Variants in PTPRT observed in about 807,000 individuals in gnomAD.
PTPRT encodes the protein protein tyrosine phosphatase receptor type T, also known as receptor-type tyrosine-protein phosphatase T.
PTPRT carries 56 observed loss-of-function variants against 176.8 expected under a neutral mutation model. The observed-to-expected ratio is 0.32, with a 90% CI of 0.26 to 0.40. PTPRT has a LOEUF of 0.40. PTPRT is among the 10% of genes least tolerant of loss of function. PTPRT has a pLI of 1.00. For synonymous variants in PTPRT, 783 were observed against 739.0 expected (o/e 1.06, Z -0.96); for missense variants, 1,540 against 1,908.2 (o/e 0.81, Z 3.60).
chr20:42,128,818 C>T lies in PTPRT; in HGVS notation c.2783G>A (p.Arg928Gln), dbSNP rs1987985137. 4 of 1,605,406 alleles carry T rather than the reference C, an allele frequency of 2.5e-6. No individual in the cohort carries two copies. Among genetic ancestry groups the T allele is most frequent in the South Asian group, 1.1e-5 (1 of 89,780 alleles). ...TCCATCCAGCACCAGCAGCCTCACC[C>T]GGGAATGGTCGTCTGCAGAGAGAGC... ...YGNIISYDHSRVRLLVLDGDP... is the reference protein window; with the variant it reads ...YGNIISYDHSQVRLLVLDGDP... Residue 928 changes from arginine to glutamine, a missense_variant, in exon 19 of 31, where the codon CGG becomes CAG. Transcript: ENST00000373187.
chr20:42,558,571 G>T (rs1464914486), intron 7 of PTPRT, among the ~76,000 whole-genome samples: 1 of 152,046 alleles, frequency 6.6e-6, no homozygotes, highest in Non-Finnish European at 1.5e-5. Flanking sequence ...CTGTTGGTGG[G>T]AGTGTGTATT....
chr20:42,880,374 A>G lies in PTPRT; in HGVS notation c.214+5433T>C, dbSNP rs143497976. On this transcript the variant is annotated intron_variant, in intron 2 of 30. Transcript: ENST00000373187. The stretch of plus-strand genomic sequence containing the variant: ...TTTATGTAAAGAAGAGAAATAAGTG[A>G]GTATTTCTTATGTACCTGATTTTGC... Among the ~76,000 whole-genome samples the G allele has an allele frequency of 6.9e-3, 1,052 of 152,322 alleles. 15 individuals are homozygous for G. Among genetic ancestry groups the G allele is most frequent in the African/African-American group, 0.024 (1,015 of 41,566 alleles).
Position 43,173,101 on chromosome 20 carries a change from C to T in PTPRT, c.88+16545G>A, listed in dbSNP as rs571752042. Among the ~76,000 whole-genome samples the T allele has an allele frequency of 9.2e-5, 14 of 152,058 alleles. No homozygotes were observed. In the South Asian group the frequency reaches 1.5e-3, roughly 16 times the overall value. On this transcript the variant is annotated intron_variant, in intron 1 of 30. Transcript: ENST00000373187. ...TTGGTCACGGCTGGTCTCGAACTCC[C>T]GACCTCAGGTGATCCGCCGGAGAGC...
chr20:43,122,079 C>T (rs544876335), intron 1 of PTPRT, among the ~76,000 whole-genome samples: 35 of 152,140 alleles, frequency 2.3e-4, no homozygotes, highest in Non-Finnish European at 4.3e-4. Context: ...TTAGAATCCC[C>T]GGGAGGATCC....
Position 42,106,785 on chromosome 20 carries a change from CCT to C in PTPRT, c.3389_3390del (p.Glu1130GlyfsTer25). On this transcript the variant is annotated frameshift_variant and splice_region_variant, in exon 24 of 31. Coordinates refer to ENST00000373187, the MANE Select transcript of PTPRT (RefSeq NM_007050.6). LOFTEE classifies it high-confidence loss of function. ...RAQRVNLVQT[E>X]EQYVFVHDAI... ...AACTGTCTTGGCCCCCTAGGACTCA[CCT>C]CTGTCTGTACCAGGTTGACCCTTTG... The C allele has an allele frequency of 6.2e-7, 1 of 1,613,664 alleles. No homozygotes were observed.
At chr20:42,428,031 A>G (rs913516262) in intron 9 of PTPRT, among the ~76,000 whole-genome samples, 2 of 152,144 alleles carry the variant, frequency 1.3e-5, no homozygotes, top group Non-Finnish European at 2.9e-5. Flanking sequence ...TCCTGCACCC[A>G]GGTGAAATAA....
intron 7 of PTPRT, among the ~76,000 whole-genome samples, chr20:42,605,859 G>C (rs549503278): frequency 6.6e-6 from 1 of 152,266 alleles, no homozygotes; most frequent in South Asian, 2.1e-4. Flanking sequence ...CAACATGCAG[G>C]TTCCAGGGCC....
At chr20:42,193,417 C>T (rs1991076114) in intron 16 of PTPRT, among the ~76,000 whole-genome samples, 2 of 152,238 alleles carry the variant, frequency 1.3e-5, no homozygotes, top group Non-Finnish European at 2.9e-5. Flanking sequence ...CTCCCTTTCT[C>T]CCGGCTGTCA....
intron 7 of PTPRT, among the ~76,000 whole-genome samples, chr20:42,552,303 T>C (rs2072784241): frequency 6.6e-6 from 1 of 152,108 alleles, no homozygotes; most frequent in Non-Finnish European, 1.5e-5. Flanking sequence ...TGAAGACACA[T>C]ATGAAGCACA....
At chr20:42,059,260 G>A in the PTPRT span, among the ~76,000 whole-genome samples, 3 of 152,122 alleles carry the variant, frequency 2.0e-5, no homozygotes, top group Non-Finnish European at 2.9e-5. Context: ...TCACAGGGCC[G>A]TGTGTGGATG....
intron 7 of PTPRT, among the ~76,000 whole-genome samples, chr20:42,518,206 T>C (rs1182309735): frequency 6.6e-6 from 1 of 152,032 alleles, no homozygotes; most frequent in Admixed American, 6.6e-5. Flanking sequence ...ATGCAAACTG[T>C]CATTTTAATA....
chr20:42,260,138 AG>A (rs2056722402), intron 13 of PTPRT, among the ~76,000 whole-genome samples: 1 of 152,220 alleles, frequency 6.6e-6, no homozygotes, highest in Non-Finnish European at 1.5e-5. Context: ...TGCACAGGAA[AG>A]GGCATGCCCA....
At chr20:42,731,292 A>G (rs971361631) in intron 6 of PTPRT, among the ~76,000 whole-genome samples, 6 of 152,168 alleles carry the variant, frequency 3.9e-5, no homozygotes, top group African/African-American at 1.4e-4. Flanking sequence ...CTGTCACTTC[A>G]TCCAATTAAG....
intron 13 of PTPRT, among the ~76,000 whole-genome samples, chr20:42,259,601 C>G (rs2056711545): frequency 2.0e-5 from 3 of 152,136 alleles, no homozygotes; most frequent in African/African-American, 7.2e-5. Context: ...TGACTAGAGT[C>G]AGGTATAAGG....
At chr20:42,818,730 C>T (rs779702496) in intron 2 of PTPRT, among the ~76,000 whole-genome samples, 6 of 152,164 alleles carry the variant, frequency 3.9e-5, no homozygotes, top group African/African-American at 7.2e-5. Flanking sequence ...CTGAAAAACA[C>T]AGCACGAGAA....
In PTPRT at chr20:42,258,010, C is replaced by G. The variant is rs147875750; in HGVS notation, c.2177-9188G>C. Among the ~76,000 whole-genome samples, 17 of 152,168 alleles carry G rather than the reference C, an allele frequency of 1.1e-4. No individual in the cohort carries two copies. In the East Asian group the frequency reaches 3.3e-3, roughly 30 times the overall value. Reference sequence around the variant, plus strand: ...ACAGAGATTATTCTCTTTAACCTATCGTACTACTCTGTCACCTCTCTAATA... The same window carrying G: ...ACAGAGATTATTCTCTTTAACCTATGGTACTACTCTGTCACCTCTCTAATA... On this transcript the variant is annotated intron_variant, in intron 13 of 30. Coordinates refer to ENST00000373187, the MANE Select transcript of PTPRT (RefSeq NM_007050.6).
At chr20:42,586,047 T>G (rs2073466410) in intron 7 of PTPRT, among the ~76,000 whole-genome samples, 1 of 152,192 alleles carries the variant, frequency 6.6e-6, no homozygotes, top group Admixed American at 6.5e-5. Flanking sequence ...TTAGTAATTT[T>G]TGTGGTGTGT....
chr20:43,005,882 CA>C (rs1568729487), intron 1 of PTPRT, among the ~76,000 whole-genome samples: 1 of 152,158 alleles, frequency 6.6e-6, no homozygotes, highest in Non-Finnish European at 1.5e-5. Flanking sequence ...ATGCTCGTTA[CA>C]ACATTCTTCT....
chr20:42,673,553 A>C (rs2223543), intron 7 of PTPRT, among the ~76,000 whole-genome samples: 2,791 of 152,208 alleles, frequency 0.018, 92 homozygotes, highest in African/African-American at 0.063. Flanking sequence ...TGAGGGCTGG[A>C]AAGTCCAATA....
Sources: gnomAD v4.1 joint callset for allele counts (sites outside exome capture counted in the v4.1 genomes callset) on GRCh38, gnomAD v4.1.1 for gene constraint, MANE v1.5 for transcripts, NCBI Gene and HGNC (gene_info 2026-07-23, HGNC 2026-07-21) for gene names.